TCN1: variants seen among roughly 807,000 people sequenced by gnomAD.
The protein encoded by TCN1 is transcobalamin-1.
Under a neutral mutation model 46.3 loss-of-function variants are expected in TCN1, and 47 were observed. The observed-to-expected ratio is 1.01, with a 90% confidence interval of 0.80 to 1.29. The LOEUF (loss-of-function observed/expected upper bound fraction) is 1.29. TCN1 is among the 50% of genes most tolerant of loss of function. The probability of loss-of-function intolerance (pLI) is 0.00; values close to 1 mark genes in which losing one functional copy is unlikely to be tolerated. For synonymous variants in TCN1, 183 were observed against 192.5 expected (o/e 0.95, Z 0.41); for missense variants, 532 against 511.0 (o/e 1.04, Z -0.40).
In TCN1 at chr11:59,861,584, C is replaced by T; in HGVS notation, c.499G>A (p.Val167Ile). Residue 167 changes from valine (V) to isoleucine (I), a missense_variant, in exon 4 of 9, where the codon GTC becomes ATC. By Grantham distance (29) the Val-to-Ile change is conservative (BLOSUM62 3). Transcript: ENST00000257264. ...FNGNYSTAEV[V>I]NHFTPENKNY... ...TTATTTTCAGGAGTGAAGTGGTTGACAACTTCGGCGGTTGAGTAGTTCCCA... is the reference window on the plus strand; with the variant it reads ...TTATTTTCAGGAGTGAAGTGGTTGATAACTTCGGCGGTTGAGTAGTTCCCA... 6.2e-7 allele frequency: 1 copy of T among 1,614,134 alleles called. No homozygotes were observed. Among genetic ancestry groups the T allele is most frequent in the Non-Finnish European group, 8.5e-7 (1 of 1,179,992 alleles).
rs1224495857 is a variant in TCN1 at position 59,856,043 on chromosome 11, A to C, written c.763T>G (p.Ser255Ala). The change falls in exon 6 of 9, where the codon TCA becomes GCA. Residue 255 changes from serine (S) to alanine (A), a missense_variant. Coordinates refer to ENST00000257264, the MANE Select transcript of TCN1 (RefSeq NM_001062.4). The stretch of plus-strand genomic sequence containing the variant: ...CAGTCATTTTCATTATAATAGTCTG[A>C]TGATACAAAGAGGGCCTAATGAGGC... ...GEAMQALFVS[S>A]DYYNENDWNC... 1 of 982,882 alleles carries C rather than the reference A, an allele frequency of 1.0e-6. No individual in the cohort carries two copies. The highest frequency in any genetic ancestry group is 1.3e-5 in the South Asian group (1 of 79,550). The allele number at this position is 982,882 out of a possible 1,614,324, so 60.9% of individuals were successfully genotyped here.
Position 59,862,694 on chromosome 11 carries a change from G to C in TCN1, c.288C>G (p.Ala96=). 6.2e-7 allele frequency: 1 copy of C among 1,613,690 alleles called. No individual in the cohort carries two copies. Among genetic ancestry groups the C allele is most frequent in the South Asian group, 1.1e-5 (1 of 91,072 alleles). ...RLSDVSSGEL[A]LIILALGVCR... Reference sequence around the variant, plus strand: ...ATACTCCCAAAGCCAGTATAATCAAGGCAAGCTCTCCCGAGCTTACATCTG... The same window carrying C: ...ATACTCCCAAAGCCAGTATAATCAACGCAAGCTCTCCCGAGCTTACATCTG... Residue 96 remains alanine (A), a synonymous_variant, in exon 3 of 9, where the codon GCC becomes GCG. Transcript: ENST00000257264.
intron 6 of TCN1, 120 bp from the exon 7 acceptor site, chr11:59,854,955 A>C: frequency 9.2e-7 from 1 of 1,081,152 alleles, no homozygotes; most frequent in Non-Finnish European, 1.4e-6. Flanking sequence ...CGGATTTACT[A>C]TAAGGAGCAA....
intron 5 of TCN1, 42 bp downstream of exon 5, chr11:59,859,035 G>A: frequency 1.3e-6 from 2 of 1,593,760 alleles, no homozygotes; most frequent in Non-Finnish European, 1.7e-6. Context: ...TTCTTCCAGA[G>A]AAGACTCCCT....
chr11:59,855,943 G>A lies in TCN1; in HGVS notation c.863C>T (p.Ala288Val), dbSNP rs770197224. Residue 288 changes from alanine to valine, a missense_variant, in exon 6 of 9, where the codon GCC becomes GTC. Ala to Val is a moderately conservative substitution (Grantham distance 64, BLOSUM62 0). Coordinates refer to ENST00000257264, the MANE Select transcript of TCN1 (RefSeq NM_001062.4). ...QGAFSNPNAA[A>V]QVLPALMGKT... ...TCCCATCAGGGCAGGTAAGACCTGG[G>A]CTGCAGCGTTTGGATTGCTGAATGC... is the stretch of plus-strand genomic sequence containing the variant. 2 of 1,613,852 alleles carry A rather than the reference G, an allele frequency of 1.2e-6. No homozygotes were observed. The highest frequency in any genetic ancestry group is 2.2e-5 in the South Asian group (2 of 91,068).
intron 4 of TCN1, among the ~76,000 whole-genome samples, chr11:59,860,227 T>G (rs186506183): frequency 4.4e-4 from 67 of 152,288 alleles, no homozygotes; most frequent in Non-Finnish European, 7.2e-4. Context: ...CCTCCTGGGT[T>G]CTAGTGATTC....
intron 1 of TCN1, among the ~76,000 whole-genome samples, chr11:59,864,433 G>T (rs1487072435): frequency 6.6e-6 from 1 of 152,116 alleles, no homozygotes; most frequent in Non-Finnish European, 1.5e-5. Flanking sequence ...ATAATTGGAG[G>T]CTGAGCTGAA....
At position 59,854,834 on chromosome 11, in the gene TCN1, AC is replaced by A. The variant is rs749170610; in HGVS notation, c.938del (p.Gly313ValfsTer11). 6.2e-7 allele frequency: 1 copy of A among 1,613,954 alleles called. No homozygotes were observed. The highest frequency in any genetic ancestry group is 1.1e-5 in the South Asian group (1 of 91,086). On this transcript the variant is annotated frameshift_variant and splice_region_variant, in exon 7 of 9. Transcript: ENST00000257264. LOFTEE classifies it high-confidence loss of function. ...GCTCATCAGCGGAGATGTTGAAGTT[AC>A]CTGGCAGAGACAGAAAAGCCCAGAG... ...NKDSSCVSAS[G>X]NFNISADEPI...
chr11:59,864,048 A>T lies in TCN1; in HGVS notation c.118T>A (p.Leu40Met). The T allele has an allele frequency of 6.2e-7, 1 of 1,613,946 alleles. No individual in the cohort carries two copies. The highest frequency in any genetic ancestry group is 8.5e-7 in the Non-Finnish European group (1 of 1,179,814). Residue 40 changes from leucine to methionine, a missense_variant, in exon 2 of 9, where the codon TTG becomes ATG. Physicochemically the swap from Leu to Met is conservative, Grantham distance 15 (BLOSUM62 2). Transcript: ENST00000257264. ...TAGTTTGACTGGATCATTGTATTCA[A>T]CAGAGGTTTTAGGCGGATGTAGTTT... The part of the protein sequence containing the change: ...EENYIRLKPL[L>M]NTMIQSNYNR...
At chr11:59,853,060 C>T (rs2135103510) in intron 8 of TCN1, 24 bp from the exon 9 acceptor site, 1 of 1,613,764 alleles carries the variant, frequency 6.2e-7, no homozygotes, top group East Asian at 2.2e-5. Flanking sequence ...AGAAAGAGAA[C>T]TGGGTCAAAT....
chr11:59,857,560 T>A (rs1852957452), intron 5 of TCN1, among the ~76,000 whole-genome samples: 1 of 152,202 alleles, frequency 6.6e-6, no homozygotes, highest in African/African-American at 2.4e-5. Context: ...CTTTTGTGCT[T>A]TTGGGTCTTT....
chr11:59,863,801 G>C, intron 2 of TCN1, 106 bp downstream of exon 2: 2 of 1,251,508 alleles, frequency 1.6e-6, no homozygotes, highest in South Asian at 2.5e-5. Context: ...CATTAGAAGG[G>C]ATGTAGCAGG....
chr11:59,855,681 C>G (rs549452104), intron 6 of TCN1, among the ~76,000 whole-genome samples, 188 bp downstream of exon 6: 2 of 152,276 alleles, frequency 1.3e-5, no homozygotes, highest in African/African-American at 4.8e-5. Context: ...ACATCTAGCA[C>G]TCAGTTAAGA....
chr11:59,861,985 A>C (rs1853019639), intron 3 of TCN1, among the ~76,000 whole-genome samples: 1 of 152,210 alleles, frequency 6.6e-6, no homozygotes, highest in Non-Finnish European at 1.5e-5. Context: ...TTCAACCTCC[A>C]AGCCTCTTGC....
chr11:59,861,319 G>T (rs542568157), intron 4 of TCN1, among the ~76,000 whole-genome samples: 115 of 152,250 alleles, frequency 7.6e-4, no homozygotes, highest in African/African-American at 2.7e-3. Context: ...AGCAGAAACC[G>T]GGTATTTCTA....
chr11:59,860,826 G>A (rs1853008121), intron 4 of TCN1, among the ~76,000 whole-genome samples: 1 of 152,164 alleles, frequency 6.6e-6, no homozygotes, highest in South Asian at 2.1e-4. Flanking sequence ...TCTCTCATGG[G>A]AAAAGAAGTC....
In TCN1 at chr11:59,859,118, C is replaced by T. The variant is rs1242630410; in HGVS notation, c.706G>A (p.Gly236Ser). The part of the protein sequence containing the change: ...EKILSEKKEN[G>S]LIGNTFSTGE... ...GTGCTAAATGTGTTTCCAATGAGAC[C>T]ATTTTCTTTTTTCTCAGACAGAATC... Residue 236 changes from glycine (G) to serine (S), a missense_variant, in exon 5 of 9, where the codon GGT (glycine) becomes AGT (serine). By Grantham distance (56) the Gly-to-Ser change is moderately conservative. Coordinates refer to ENST00000257264, the MANE Select transcript of TCN1 (RefSeq NM_001062.4). The T allele has an allele frequency of 7.4e-6, 12 of 1,613,840 alleles. No individual in the cohort carries two copies. Among genetic ancestry groups the T allele is most frequent in the Non-Finnish European group, 1.0e-5 (12 of 1,180,024 alleles).
chr11:59,859,149 T>TAA lies in TCN1; in HGVS notation c.674_675insTT (p.Glu226Ter). 1 of 1,614,100 alleles carries TAA rather than the reference T, an allele frequency of 6.2e-7. No individual in the cohort carries two copies. ...CTTTTTTCTCAGACAGAATCTTTTCTACCAGTGACTTTGTATAAATACTGA... is the reference window on the plus strand; with the variant it reads ...CTTTTTTCTCAGACAGAATCTTTTCTAAACCAGTGACTTTGTATAAATACTGA... On this transcript the variant is annotated frameshift_variant, in exon 5 of 9. Coordinates refer to ENST00000257264, the MANE Select transcript of TCN1 (RefSeq NM_001062.4). LOFTEE classifies it high-confidence loss of function.
rs146250932 is a variant in TCN1 at position 59,855,882 on chromosome 11, G to T, written c.924C>A (p.Cys308Ter). Residue 308 changes from cysteine to a stop codon, truncating the protein, a stop_gained, in exon 6 of 9, where the codon TGC becomes TGA. Coordinates refer to ENST00000257264, the MANE Select transcript of TCN1 (RefSeq NM_001062.4). LOFTEE classifies it high-confidence loss of function. ...TAATGCTTATACCTGAAGCAGAGACGCAAGAAGAGTCTTTGTTAATATCCA... is the reference window on the plus strand; with the variant it reads ...TAATGCTTATACCTGAAGCAGAGACTCAAGAAGAGTCTTTGTTAATATCCA... ...TFLDINKDSS[C>*]VSASGNFNIS... 5 of 1,613,664 alleles carry T rather than the reference G, an allele frequency of 3.1e-6. No homozygotes were observed. The highest frequency in any genetic ancestry group is 4.2e-6 in the Non-Finnish European group (5 of 1,179,756).
Sources: gnomAD v4.1 joint callset for allele counts (sites outside exome capture counted in the v4.1 genomes callset) on GRCh38, gnomAD v4.1.1 for gene constraint, MANE v1.5 for transcripts, NCBI Gene and HGNC (gene_info 2026-07-23, HGNC 2026-07-21) for gene names.